HIVEP2: variants seen among roughly 807,000 people sequenced by gnomAD.
The protein encoded by HIVEP2 is HIVEP zinc finger 2.
HIVEP2 carries 14 observed loss-of-function variants against 180.7 expected under a neutral mutation model. The observed-to-expected ratio is 0.08, with a 90% CI of 0.05 to 0.12. HIVEP2 has a LOEUF of 0.12. Ranked by LOEUF, HIVEP2 falls within the 10% of genes least tolerant of loss-of-function variation. The pLI is 1.00. For missense variants in HIVEP2, 2,579 were observed against 3,008.5 expected (o/e 0.86, Z 3.34); for synonymous variants, 1,184 against 1,136.4 (o/e 1.04, Z -0.84).
At chr6:142,782,506 A>G (rs762421345) in intron 3 of HIVEP2, among the ~76,000 whole-genome samples, 2 of 152,184 alleles carry the variant, frequency 1.3e-5, no homozygotes, top group African/African-American at 2.4e-5. Context: ...CCACAGGATG[A>G]TTTTTAAAAA....
intron 7 of HIVEP2, 98 bp downstream of exon 7, chr6:142,764,697 AAACT>A (rs1342118107): frequency 4.1e-5 from 36 of 871,248 alleles, no homozygotes; most frequent in Non-Finnish European, 5.3e-5. Flanking sequence ...TTTCACAAAC[AAACT>A]ATCTTTATTG....
intron 1 of HIVEP2, among the ~76,000 whole-genome samples, chr6:142,938,109 C>G (rs1778097429): frequency 6.6e-6 from 1 of 152,180 alleles, no homozygotes; most frequent in East Asian, 1.9e-4. Flanking sequence ...CCATCTGTTC[C>G]AATCTCTTCC....
intron 2 of HIVEP2, among the ~76,000 whole-genome samples, chr6:142,821,983 T>G (rs1434024663): frequency 6.6e-6 from 1 of 152,210 alleles, no homozygotes. Flanking sequence ...GAAGCTGGCT[T>G]GGACTTCGTC....
intron 2 of HIVEP2, among the ~76,000 whole-genome samples, chr6:142,831,385 A>G (rs574412443): frequency 1.3e-5 from 2 of 152,220 alleles, no homozygotes; most frequent in African/African-American, 4.8e-5. Flanking sequence ...AGTGGCTTCT[A>G]TGCTTGCAGT....
At position 142,759,865 on chromosome 6, in the gene HIVEP2, T is replaced by A; in HGVS notation, c.6423A>T (p.Ile2141=). The A allele has an allele frequency of 1.2e-6, 2 of 1,614,116 alleles. No individual in the cohort carries two copies. The highest frequency in any genetic ancestry group is 1.7e-6 in the Non-Finnish European group (2 of 1,179,966). ...PRRERRYMTT[I]RAPSPRRALY... The stretch of plus-strand genomic sequence containing the variant: ...AAGCCCTTCTGGGAGATGGCGCTCT[T>A]ATTGTGGTCATGTATCTTCTCTCTC... Residue 2141 remains isoleucine (I), a synonymous_variant, in exon 9 of 10, where the codon ATA becomes ATT. Coordinates refer to ENST00000367603, the MANE Select transcript of HIVEP2 (RefSeq NM_006734.4).
In HIVEP2 at chr6:142,935,152, G is replaced by A. The variant is rs147243793; in HGVS notation, c.-641+9947C>T. Among the ~76,000 whole-genome samples, 195 of 152,312 alleles carry A rather than the reference G, an allele frequency of 1.3e-3. 1 individual carries two copies. The highest frequency in any genetic ancestry group is 7.9e-3 in the South Asian group (38 of 4,826). On this transcript the variant is annotated intron_variant, in intron 1 of 9. Transcript: ENST00000367603. Reference sequence around the variant, plus strand: ...GGGAAGTTTAGAGCCTGGGAAGCCCGCAACTATGGGTTTAAGAGATGTTTG... The same window carrying A: ...GGGAAGTTTAGAGCCTGGGAAGCCCACAACTATGGGTTTAAGAGATGTTTG...
At chr6:142,754,048 A>G in intron 9 of HIVEP2, 117 bp from the exon 10 acceptor site, 1 of 577,576 alleles carries the variant, frequency 1.7e-6, no homozygotes. Flanking sequence ...GAGAGGCTTC[A>G]ATACCTAATT....
At chr6:142,810,531 G>T (rs1452805339) in intron 2 of HIVEP2, among the ~76,000 whole-genome samples, 2 of 152,078 alleles carry the variant, frequency 1.3e-5, no homozygotes, top group African/African-American at 2.4e-5. Context: ...GGGAGGCCAG[G>T]GGGGCAAATC....
rs374181802 is a variant in HIVEP2 at position 142,753,429 on chromosome 6, G to A, written c.7019C>T (p.Thr2340Met). The A allele has an allele frequency of 2.5e-6, 4 of 1,613,968 alleles. No individual in the cohort carries two copies. Among genetic ancestry groups the A allele is most frequent in the Non-Finnish European group, 3.4e-6 (4 of 1,180,036 alleles). ...TGGCCCGAGCAGAGCTGCCTCTTCC[G>A]TGGCAATCCGGAGAGAGGCAATGGC... ...TKAIASLRIA[T>M]EEAALLGPDQ... Residue 2340 changes from threonine (T) to methionine (M), a missense_variant, in exon 10 of 10, where the codon ACG becomes ATG. Physicochemically the swap from Thr to Met is moderately conservative, Grantham distance 81. This residue lies in a region of HIVEP2 where 660 missense variants were observed against 731.7 expected (regional missense o/e 0.90). Transcript: ENST00000367603.
intron 1 of HIVEP2, among the ~76,000 whole-genome samples, chr6:142,858,337 T>G (rs919846024): frequency 4.0e-5 from 6 of 151,312 alleles, no homozygotes; most frequent in African/African-American, 1.5e-4. Flanking sequence ...AGATCCCCCC[T>G]CTCCCCTACC....
At chr6:142,908,854 CAAAAAAAAAAAAA>C (rs11443809) in intron 1 of HIVEP2, among the ~76,000 whole-genome samples, 2 of 87,882 alleles carry the variant, frequency 2.3e-5, no homozygotes, top group African/African-American at 4.6e-5. Flanking sequence ...TACCACCTCT[CAAAAAAAAAAAAA>C]AAAAAAAAAA....
Position 142,772,600 on chromosome 6 carries a change from G to A in HIVEP2, c.2139C>T (p.Cys713=). ...CCACAGGAGTGCTTACAATGCTGCTGCAGATCATGGGCGTGTCCTCTTCAT... is the reference window on the plus strand; with the variant it reads ...CCACAGGAGTGCTTACAATGCTGCTACAGATCATGGGCGTGTCCTCTTCAT... ...VGDEEDTPMI[C]SSIVSTPVGI... The change falls in exon 5 of 10, where the codon TGC becomes TGT. Residue 713 remains cysteine (C), a synonymous_variant. Transcript: ENST00000367603. This position sits in a 1 kb window ranked among gnomAD's most constrained non-coding sequence, Gnocchi z 4.9. 6.2e-7 allele frequency: 1 copy of A among 1,614,202 alleles called. No homozygotes were observed. Among genetic ancestry groups the A allele is most frequent in the Non-Finnish European group, 8.5e-7 (1 of 1,180,042 alleles).
At chr6:142,899,044 G>A (rs947035064) in intron 1 of HIVEP2, among the ~76,000 whole-genome samples, 7 of 152,106 alleles carry the variant, frequency 4.6e-5, no homozygotes, top group East Asian at 3.9e-4. Context: ...TATGTCCCCT[G>A]TCTTGCCTGC....
Position 142,772,957 on chromosome 6 carries a change from C to T in HIVEP2, c.1782G>A (p.Ala594=), listed in dbSNP as rs151160604. The T allele has an allele frequency of 2.5e-5, 40 of 1,614,164 alleles. No individual in the cohort carries two copies. Among genetic ancestry groups the T allele is most frequent in the African/African-American group, 2.1e-4 (16 of 75,050 alleles). ...CCTGTACCGAAGGCAGCTCAAATGC[C>T]GCTTGTCTTCTTAGCATGCGCTGAG... ...IPPQRMLRRQ[A]AFELPSVQEG... Residue 594 remains alanine, a synonymous_variant, in exon 5 of 10, where the codon GCG becomes GCA. Coordinates refer to ENST00000367603, the MANE Select transcript of HIVEP2 (RefSeq NM_006734.4). The surrounding 1 kb of genome is among the most constrained non-coding windows in gnomAD (Gnocchi z 4.9).
chr6:142,837,517 T>C (rs115647534), intron 1 of HIVEP2, among the ~76,000 whole-genome samples: 2,129 of 152,166 alleles, frequency 0.014, 43 homozygotes, highest in African/African-American at 0.049. Flanking sequence ...TCTAGACAGA[T>C]CATTTAAACA....
intron 9 of HIVEP2, among the ~76,000 whole-genome samples, chr6:142,759,544 C>G (rs1775166935): frequency 6.6e-6 from 1 of 152,192 alleles, no homozygotes; most frequent in Non-Finnish European, 1.5e-5. Context: ...CACCTGTTCC[C>G]ACTGGGAATG....
At chr6:142,799,370 C>T (rs1462945477) in intron 2 of HIVEP2, among the ~76,000 whole-genome samples, 1 of 152,088 alleles carries the variant, frequency 6.6e-6, no homozygotes, top group African/African-American at 2.4e-5. Context: ...ACAGCGCTAT[C>T]TATGGTAACA....
intron 1 of HIVEP2, among the ~76,000 whole-genome samples, chr6:142,872,567 G>A (rs1019711795): frequency 3.9e-5 from 6 of 152,152 alleles, no homozygotes; most frequent in Non-Finnish European, 7.4e-5. Context: ...AAATCTGGGC[G>A]GTGGCAAGCC....
At chr6:142,939,749 G>T (rs977996126) in intron 1 of HIVEP2, among the ~76,000 whole-genome samples, 1 of 152,104 alleles carries the variant, frequency 6.6e-6, no homozygotes, top group Non-Finnish European at 1.5e-5. Flanking sequence ...GTTTGAAGTT[G>T]GAAATCATCA....
Sources: gnomAD v4.1 joint callset for allele counts (sites outside exome capture counted in the v4.1 genomes callset) on GRCh38, gnomAD v4.1.1 for gene constraint, gnomAD v4.1.1 regional missense constraint, Gnocchi (gnomAD v3.1) non-coding constraint, MANE v1.5 for transcripts, NCBI Gene and HGNC (gene_info 2026-07-23, HGNC 2026-07-21) for gene names.